ACACB: variants seen among roughly 807,000 people sequenced by gnomAD.
ACACB encodes acetyl-CoA carboxylase beta.
Under a neutral mutation model 278.8 loss-of-function variants are expected in ACACB, and 209 were observed. That is an observed-to-expected ratio of 0.75 (90% CI 0.67 to 0.84). The LOEUF is 0.84. Among genes scored for constraint, ACACB ranks in the 40% least tolerant of loss-of-function variants. ACACB has a pLI of 0.00. For synonymous variants in ACACB, 1,174 were observed against 1,285.6 expected (o/e 0.91, Z 1.86); for missense variants, 2,850 against 3,269.0 (o/e 0.87, Z 3.13).
At chr12:109,187,271 A>G (rs1328578238) in intron 12 of ACACB, among the ~76,000 whole-genome samples, 1 of 152,136 alleles carries the variant, frequency 6.6e-6, no homozygotes, top group African/African-American at 2.4e-5. Context: ...GGTTTTCATT[A>G]TCCAGAATTG....
chr12:109,253,389 T>A (rs2047147120), intron 43 of ACACB, among the ~76,000 whole-genome samples: 1 of 152,154 alleles, frequency 6.6e-6, no homozygotes, highest in South Asian at 2.1e-4. Flanking sequence ...ATGCTATCTG[T>A]TAATCCTTTA....
At chr12:109,164,970 G>C (rs779354754) in intron 2 of ACACB, among the ~76,000 whole-genome samples, 89 of 152,036 alleles carry the variant, frequency 5.9e-4, no homozygotes, top group Non-Finnish European at 1.2e-3. Context: ...ACAGGAGACA[G>C]GAAACAGGAG....
intron 5 of ACACB, 104 bp downstream of exon 5, chr12:109,172,018 A>C: frequency 1.0e-6 from 1 of 957,166 alleles, no homozygotes; most frequent in South Asian, 1.5e-5. Flanking sequence ...TCCAGATCCC[A>C]CAAGGCTCCA....
At chr12:109,177,024 A>G (rs1258047009) in intron 9 of ACACB, among the ~76,000 whole-genome samples, 1 of 152,276 alleles carries the variant, frequency 6.6e-6, no homozygotes, top group African/African-American at 2.4e-5. Context: ...AAACATTTAT[A>G]CTGACAATCT....
At chr12:109,192,733 C>T (rs2044938384) in intron 15 of ACACB, among the ~76,000 whole-genome samples, 1 of 152,146 alleles carries the variant, frequency 6.6e-6, no homozygotes, top group African/African-American at 2.4e-5. Flanking sequence ...ATGATCACAG[C>T]TCACTGCAGC....
intron 34 of ACACB, among the ~76,000 whole-genome samples, 189 bp downstream of exon 34, chr12:109,237,569 G>A (rs1480446456): frequency 6.6e-6 from 1 of 152,140 alleles, no homozygotes; most frequent in Non-Finnish European, 1.5e-5. Context: ...TCACGTCCAG[G>A]CTGGTGGCAC....
At chr12:109,174,297 G>T (rs2044213450) in intron 7 of ACACB, 67 bp downstream of exon 7, 2 of 1,251,766 alleles carry the variant, frequency 1.6e-6, no homozygotes, top group African/African-American at 3.0e-5. Flanking sequence ...GAACGGTCAG[G>T]GTGACAGAAG....
chr12:109,134,165 T>A (rs2042913518), intron 1 of ACACB, among the ~76,000 whole-genome samples: 1 of 152,092 alleles, frequency 6.6e-6, no homozygotes, highest in African/African-American at 2.4e-5. Flanking sequence ...TTGGTCTATG[T>A]CCCCAAGCAC....
At chr12:109,128,091 C>G (rs907613455) in intron 1 of ACACB, among the ~76,000 whole-genome samples, 3 of 152,138 alleles carry the variant, frequency 2.0e-5, no homozygotes, top group Non-Finnish European at 4.4e-5. Flanking sequence ...ACGTCTGTCT[C>G]CAACCCGGAA....
chr12:109,112,818 C>T (rs1435675124), upstream of ACACB, among the ~76,000 whole-genome samples: 1 of 151,846 alleles, frequency 6.6e-6, no homozygotes, highest in Non-Finnish European at 1.5e-5. Flanking sequence ...GCATAAAAGG[C>T]AGTCTTAGCC....
intron 2 of ACACB, among the ~76,000 whole-genome samples, chr12:109,151,183 C>T (rs2043365604): frequency 6.6e-6 from 1 of 152,030 alleles, no homozygotes. Context: ...CAGGGTTTCA[C>T]CATGTTGTCC....
intron 13 of ACACB, among the ~76,000 whole-genome samples, chr12:109,190,107 G>GT (rs2044813430): frequency 6.6e-6 from 1 of 151,602 alleles, no homozygotes; most frequent in African/African-American, 2.4e-5. Context: ...GTGAAGCTCC[G>GT]TCTCAAAAAA....
intron 47 of ACACB, among the ~76,000 whole-genome samples, chr12:109,259,593 A>C (rs79042309): frequency 2.0e-5 from 3 of 151,416 alleles, no homozygotes; most frequent in Admixed American, 6.6e-5. Flanking sequence ...CAAAAAAAAA[A>C]CAATGAGGAA....
At chr12:109,157,655 T>C (rs956936281) in intron 2 of ACACB, among the ~76,000 whole-genome samples, 2 of 152,126 alleles carry the variant, frequency 1.3e-5, no homozygotes, top group African/African-American at 4.8e-5. Context: ...TGAAAACTAA[T>C]AAGTAAAGAC....
intron 48 of ACACB, among the ~76,000 whole-genome samples, chr12:109,261,314 A>G (rs902806662): frequency 6.6e-6 from 1 of 152,172 alleles, no homozygotes; most frequent in Non-Finnish European, 1.5e-5. Flanking sequence ...ACCTCACTGT[A>G]TGCCAGCCAT....
rs1193027528 is a variant in ACACB at position 109,251,979 on chromosome 12, C to T, written c.5791-67C>T. On this transcript the variant is annotated intron_variant, in intron 41 of 52. Coordinates refer to ENST00000338432, the MANE Select transcript of ACACB (RefSeq NM_001093.4). Reference sequence around the variant, plus strand: ...TTTGGTCCCAGCAGGTTCCTGGACTCTTCCCTGCTGTGGGGGGTGGGTCCC... The same window carrying T: ...TTTGGTCCCAGCAGGTTCCTGGACTTTTCCCTGCTGTGGGGGGTGGGTCCC... 4 of 1,257,924 alleles carry T rather than the reference C, an allele frequency of 3.2e-6. No homozygotes were observed. In the African/African-American group the frequency reaches 6.0e-5, roughly 19 times the overall value. 77.9% of individuals were successfully genotyped at this position (1,257,924 alleles called of 1,614,324 possible).
intron 22 of ACACB, among the ~76,000 whole-genome samples, chr12:109,215,091 G>A (rs1257298616): frequency 4.7e-5 from 7 of 149,000 alleles, no homozygotes; most frequent in Admixed American, 2.0e-4. Context: ...ACAAAACCTC[G>A]TCTCAAAAAA....
chr12:109,233,818 A>C lies in ACACB; in HGVS notation c.4210A>C (p.Thr1404Pro). Residue 1404 changes from threonine (T) to proline (P), a missense_variant, in exon 30 of 53, where the codon ACC becomes CCC. Thr to Pro is a conservative substitution (Grantham distance 38). Around this residue, in one of 3 missense-constraint regions of ACACB, gnomAD observed 2,265 missense variants for 2,561.3 expected, o/e 0.88. Coordinates refer to ENST00000338432, the MANE Select transcript of ACACB (RefSeq NM_001093.4). ...CACCCCCCTCTTCAGCGAGGCCCGC[A>C]CCTCCCTATACTCCGAGGATGACTG... ...KDTPLFSEAR[T>P]SLYSEDDCKS... is the part of the protein sequence containing the mutation. 1 of 1,613,784 alleles carries C rather than the reference A, an allele frequency of 6.2e-7. No homozygotes were observed. Among genetic ancestry groups the C allele is most frequent in the East Asian group, 2.2e-5 (1 of 44,850 alleles).
chr12:109,152,127 A>C (rs187895694), intron 2 of ACACB, among the ~76,000 whole-genome samples: 147 of 152,328 alleles, frequency 9.7e-4, no homozygotes, highest in Non-Finnish European at 1.8e-3. Flanking sequence ...AGAAGTGAGA[A>C]TATCTATACA....
Sources: gnomAD v4.1 joint callset for allele counts (sites outside exome capture counted in the v4.1 genomes callset) on GRCh38, gnomAD v4.1.1 for gene constraint, gnomAD v4.1.1 regional missense constraint, MANE v1.5 for transcripts, NCBI Gene and HGNC (gene_info 2026-07-23, HGNC 2026-07-21) for gene names.